The following MUCL1 variants were observed in gnomAD, a reference collection of about 807,000 sequenced individuals.
The protein encoded by MUCL1 is mucin like 1.
In MUCL1, 11 loss-of-function variants were observed where a neutral mutation model predicts 9.2. The ratio of observed to expected loss-of-function variants is 1.19; its 90% CI spans 0.75 to 1.97. The LOEUF (loss-of-function observed/expected upper bound fraction) is 1.97. Ranked by LOEUF, MUCL1 falls within the 30% of genes most tolerant of loss-of-function variation. The pLI is 0.00. For missense variants in MUCL1, 144 were observed against 110.9 expected (o/e 1.30, Z -1.34); for synonymous variants, 48 against 40.5 (o/e 1.19, Z -0.71).
At chr12:54,834,845 C>T (rs7970316), upstream of MUCL1, among the ~76,000 whole-genome samples, 6 of 152,036 alleles carry the variant, frequency 3.9e-5, no homozygotes, top group Admixed American at 1.3e-4. Flanking sequence ...GCACCTGTCA[C>T]CCGAGCAGTG....
chr12:54,837,184 A>G (rs1959194197), upstream of MUCL1, among the ~76,000 whole-genome samples: 2 of 152,104 alleles, frequency 1.3e-5, no homozygotes, highest in African/African-American at 4.8e-5. Context: ...AGAGAGTTGA[A>G]GTCCCCAACT....
At chr12:54,857,769 C>G (rs905807924) in intron 3 of MUCL1, among the ~76,000 whole-genome samples, 2 of 152,140 alleles carry the variant, frequency 1.3e-5, no homozygotes, top group Admixed American at 1.3e-4. Flanking sequence ...TACACCCATA[C>G]AATCAAAGTC....
chr12:54,838,955 G>C (rs1959198828), upstream of MUCL1, among the ~76,000 whole-genome samples: 1 of 152,036 alleles, frequency 6.6e-6, no homozygotes, highest in Non-Finnish European at 1.5e-5. Flanking sequence ...TGGATTCATT[G>C]CTGGAGAGGT....
At chr12:54,838,862 C>T (rs764534717), upstream of MUCL1, among the ~76,000 whole-genome samples, 1 of 151,926 alleles carries the variant, frequency 6.6e-6, no homozygotes, top group Admixed American at 6.6e-5. Flanking sequence ...TTGGGTTTCA[C>T]CTTTCTCTTG....
exon 1 of MUCL1, chr12:54,830,810 G>A (rs1435457867): frequency 2.0e-5 from 3 of 151,844 alleles, no homozygotes; most frequent in African/African-American, 7.3e-5. Flanking sequence ...ATCCCCAAAA[G>A]CAATGATTAG....
At chr12:54,841,305 A>G (rs936513269) in intron 1 of MUCL1, among the ~76,000 whole-genome samples, 1 of 152,354 alleles carries the variant, frequency 6.6e-6, no homozygotes, top group African/African-American at 2.4e-5. Flanking sequence ...TGCAATCAAC[A>G]CATGAAGGGG....
In MUCL1 at chr12:54,845,082, C is replaced by T. The variant is rs534852345; in HGVS notation, c.43+5635C>T. On this transcript the variant is annotated intron_variant, in intron 1 of 3. Transcript: ENST00000546809. ...ATTTCTTGCACTTGGTCTCAGATGA[C>T]ATTAAGGTTGAGCTCAGCTGGGACT... is the stretch of plus-strand genomic sequence containing the variant. Among the ~76,000 whole-genome samples, 7 of 152,318 alleles carry T rather than the reference C, an allele frequency of 4.6e-5. No homozygotes were observed. In the South Asian group the frequency reaches 6.2e-4, roughly 14 times the overall value.
Position 54,858,142 on chromosome 12 carries a change from C to T in MUCL1, c.224-51C>T. On this transcript the variant is annotated intron_variant, in intron 3 of 3. Coordinates refer to ENST00000308796, the MANE Select transcript of MUCL1 (RefSeq NM_058173.3). ...CTTCAGATTCTGAAGAATAAATCCA[C>T]ATTCTTCATCCTTTGTCGAAGCCCC... 1.9e-6 allele frequency: 3 copies of T among 1,604,398 alleles called. 1 individual carries two copies. In the South Asian group the frequency reaches 3.3e-5, roughly 18 times the overall value.
upstream of MUCL1, among the ~76,000 whole-genome samples, chr12:54,852,316 C>A (rs556768061): frequency 7.2e-5 from 11 of 152,236 alleles, no homozygotes; most frequent in East Asian, 1.9e-3. Flanking sequence ...GAGTTATAGA[C>A]CAATGGAACA....
chr12:54,856,641 G>T (rs1817910493), intron 2 of MUCL1, 129 bp from the exon 3 acceptor site: 1 of 1,276,628 alleles, frequency 7.8e-7, no homozygotes, highest in Non-Finnish European at 1.1e-6. Context: ...TAGGCTAAAG[G>T]TAAGACAGAA....
chr12:54,839,594 T>C (rs1444687109), intron 1 of MUCL1: 3 of 679,244 alleles, frequency 4.4e-6, no homozygotes, highest in East Asian at 2.7e-5. Context: ...AGGAAAATGA[T>C]TTGCCTCCCA....
chr12:54,839,338 T>C (rs962132366), upstream of MUCL1: 1 of 700,068 alleles, frequency 1.4e-6, no homozygotes, highest in Non-Finnish European at 2.6e-6. Context: ...CACACACTTA[T>C]TTATTTATTA....
intron 1 of MUCL1, among the ~76,000 whole-genome samples, chr12:54,842,980 G>A (rs1959219904): frequency 6.6e-6 from 1 of 152,056 alleles, no homozygotes; most frequent in Admixed American, 6.6e-5. Context: ...TATTCCCGCT[G>A]TGTTACAATA....
chr12:54,833,501 C>A (rs1959188171), intron 1 of MUCL1, among the ~76,000 whole-genome samples: 1 of 151,938 alleles, frequency 6.6e-6, no homozygotes, highest in South Asian at 2.1e-4. Context: ...TTATGTCAAA[C>A]AAATTAGAGC....
intron 1 of MUCL1, 140 bp from the exon 2 acceptor site, chr12:54,854,976 A>C: frequency 2.8e-6 from 2 of 709,664 alleles, no homozygotes; most frequent in South Asian, 3.4e-5. Flanking sequence ...TTATCTGTGC[A>C]CTTGTTCTTC....
At chr12:54,839,231 T>C (rs1043445607), upstream of MUCL1, 1 of 615,578 alleles carries the variant, frequency 1.6e-6, no homozygotes, top group Admixed American at 2.5e-5. Flanking sequence ...GTATAGTGGC[T>C]TACTCAGCTA....
intron 1 of MUCL1, among the ~76,000 whole-genome samples, chr12:54,842,663 C>T: frequency 6.6e-6 from 1 of 152,148 alleles, no homozygotes; most frequent in Non-Finnish European, 1.5e-5. Flanking sequence ...TTTTGACCAA[C>T]ATCTTATAGT....
At chr12:54,831,867 A>G (rs910078456) in intron 1 of MUCL1, among the ~76,000 whole-genome samples, 1 of 152,092 alleles carries the variant, frequency 6.6e-6, no homozygotes. Context: ...CCATGTAACA[A>G]AGACATTTCA....
intron 1 of MUCL1, among the ~76,000 whole-genome samples, chr12:54,846,126 C>T (rs184719089): frequency 6.6e-6 from 1 of 152,248 alleles, no homozygotes; most frequent in Admixed American, 6.5e-5. Flanking sequence ...ACTTGAGATA[C>T]AGAAAATGGT....
Sources: gnomAD v4.1 joint callset for allele counts (sites outside exome capture counted in the v4.1 genomes callset) on GRCh38, gnomAD v4.1.1 for gene constraint, MANE v1.5 for transcripts, NCBI Gene and HGNC (gene_info 2026-07-23, HGNC 2026-07-21) for gene names.